Variants in PTPN4 observed in about 807,000 individuals in gnomAD.
PTPN4 encodes tyrosine-protein phosphatase non-receptor type 4.
PTPN4 carries 49 observed loss-of-function variants against 135.5 expected under a neutral mutation model. That is an observed-to-expected ratio of 0.36 (90% CI 0.29 to 0.46). The LOEUF (loss-of-function observed/expected upper bound fraction) is 0.46, where lower values mean the gene tolerates loss of function less well. PTPN4 is among the 20% of genes least tolerant of loss of function. PTPN4 has a pLI of 1.00. For synonymous variants in PTPN4, 333 were observed against 369.9 expected, an observed-to-expected ratio of 0.90 and a Z score of 1.14; for missense variants, 860 against 1,101.0, an observed-to-expected ratio of 0.78 and a Z score of 3.10.
chr2:119,871,898 A>T (rs989155064), intron 3 of PTPN4, among the ~76,000 whole-genome samples: 1 of 152,156 alleles, frequency 6.6e-6, no homozygotes, highest in African/African-American at 2.4e-5. Flanking sequence ...CTATTCACCT[A>T]AATATCTGAA....
chr2:119,862,700 A>G (rs940646396), intron 3 of PTPN4, 57 bp downstream of exon 3: 1 of 1,413,368 alleles, frequency 7.1e-7, no homozygotes, highest in Non-Finnish European at 9.8e-7. Flanking sequence ...AGTTTAGTGT[A>G]GAAAGTCCTT....
intron 12 of PTPN4, among the ~76,000 whole-genome samples, chr2:119,922,482 A>C (rs762890430): frequency 6.6e-6 from 1 of 152,214 alleles, no homozygotes; most frequent in Non-Finnish European, 1.5e-5. Flanking sequence ...ATGATGAATT[A>C]CTTTGATTGC....
At chr2:119,874,225 T>C (rs1441496372) in intron 3 of PTPN4, among the ~76,000 whole-genome samples, 1 of 152,168 alleles carries the variant, frequency 6.6e-6, no homozygotes, top group East Asian at 1.9e-4. Context: ...TACATTGATA[T>C]TGGAGATGTA....
chr2:119,970,786 A>G (rs1679522160), intron 26 of PTPN4, among the ~76,000 whole-genome samples: 1 of 152,198 alleles, frequency 6.6e-6, no homozygotes, highest in South Asian at 2.1e-4. Context: ...ATGTGAACAT[A>G]CGTTTTCATT....
At chr2:119,760,820 C>G (rs1217794099) in intron 1 of PTPN4, among the ~76,000 whole-genome samples, 1 of 117,532 alleles carries the variant, frequency 8.5e-6, no homozygotes, top group Non-Finnish European at 1.6e-5. Context: ...AGTTTTAAGC[C>G]TGTTATGATT....
chr2:119,890,367 T>C (rs1194765327), intron 9 of PTPN4, among the ~76,000 whole-genome samples: 2 of 152,088 alleles, frequency 1.3e-5, no homozygotes, highest in Non-Finnish European at 2.9e-5. Flanking sequence ...GTATGGAGTA[T>C]TTTTTTCCAT....
At chr2:119,951,083 C>T (rs1338194469) in intron 18 of PTPN4, among the ~76,000 whole-genome samples, 3 of 152,170 alleles carry the variant, frequency 2.0e-5, no homozygotes, top group Non-Finnish European at 4.4e-5. Flanking sequence ...GTAGTTTAAA[C>T]GGTGCTTGCC....
chr2:119,971,581 G>C (rs1015082843), intron 26 of PTPN4, among the ~76,000 whole-genome samples: 6 of 152,160 alleles, frequency 3.9e-5, no homozygotes, highest in African/African-American at 1.4e-4. Context: ...AAAAGTTTCT[G>C]ATCAGATCTG....
chr2:119,855,057 A>G (rs1677655808), intron 2 of PTPN4, among the ~76,000 whole-genome samples: 1 of 152,152 alleles, frequency 6.6e-6, no homozygotes, highest in Non-Finnish European at 1.5e-5. Context: ...TTGTATCATA[A>G]TGGAAATATT....
At chr2:119,793,059 G>C (rs538298947) in intron 1 of PTPN4, among the ~76,000 whole-genome samples, 7 of 152,286 alleles carry the variant, frequency 4.6e-5, no homozygotes, top group East Asian at 1.9e-4. Flanking sequence ...CAGGAAACAG[G>C]GTTCAAGAGT....
At position 119,893,459 on chromosome 2, in the gene PTPN4, A is replaced by G. The variant is rs144108731; in HGVS notation, c.676-7259A>G. ...GAAGAGACGTAAATCCTCACGAAAG[A>G]GGGGTAGGCAATTCAATTTATAGAC... On this transcript the variant is annotated intron_variant, in intron 9 of 26. Transcript: ENST00000263708. Among the ~76,000 whole-genome samples the G allele has an allele frequency of 9.5e-3, 1,450 of 152,308 alleles. 10 individuals carry two copies. Among genetic ancestry groups the G allele is most frequent in the Middle Eastern group, 0.017 (5 of 294 alleles).
At chr2:119,974,662 T>C (rs1171742890) in intron 26 of PTPN4, among the ~76,000 whole-genome samples, 1 of 152,226 alleles carries the variant, frequency 6.6e-6, no homozygotes, top group Non-Finnish European at 1.5e-5. Context: ...TTGTACATCT[T>C]GTGCCCCTGA....
At chr2:119,925,916 T>C (rs1268160151) in intron 12 of PTPN4, among the ~76,000 whole-genome samples, 2 of 152,156 alleles carry the variant, frequency 1.3e-5, no homozygotes, top group Admixed American at 6.5e-5. Flanking sequence ...AATATTTTCT[T>C]AGGAAAATTC....
intron 9 of PTPN4, among the ~76,000 whole-genome samples, chr2:119,897,977 G>C (rs1678348806): frequency 6.6e-6 from 1 of 152,234 alleles, no homozygotes; most frequent in African/African-American, 2.4e-5. Context: ...GGTCCGTGAA[G>C]AGACACATGC....
chr2:119,885,916 GT>G, intron 9 of PTPN4, 34 bp downstream of exon 9: 2 of 1,382,160 alleles, frequency 1.4e-6, no homozygotes, highest in Non-Finnish European at 2.0e-6. Context: ...ATGTTGTTGA[GT>G]TAGGCTCCGT....
intron 18 of PTPN4, among the ~76,000 whole-genome samples, chr2:119,949,319 C>T (rs1044622777): frequency 2.0e-5 from 3 of 152,112 alleles, no homozygotes; most frequent in African/African-American, 7.2e-5. Flanking sequence ...ATCACCACAA[C>T]CTTCTAATTG....
intron 9 of PTPN4, among the ~76,000 whole-genome samples, chr2:119,898,022 C>T (rs886113242): frequency 6.6e-6 from 1 of 152,172 alleles, no homozygotes; most frequent in Non-Finnish European, 1.5e-5. Flanking sequence ...ACTTTTATAG[C>T]AGTCTGACAT....
At chr2:119,931,118 G>A (rs1678899285) in intron 13 of PTPN4, among the ~76,000 whole-genome samples, 1 of 151,802 alleles carries the variant, frequency 6.6e-6, no homozygotes, top group South Asian at 2.1e-4. Flanking sequence ...AAATTGTGCT[G>A]GAATGGAAAA....
intron 2 of PTPN4, among the ~76,000 whole-genome samples, chr2:119,835,039 G>C (rs72969160): frequency 0.025 from 3,854 of 152,270 alleles, 165 homozygotes; most frequent in African/African-American, 0.087. Context: ...TGTATTTGGA[G>C]TACTGTATTG....
Sources: gnomAD v4.1 joint callset for allele counts (sites outside exome capture counted in the v4.1 genomes callset) on GRCh38, gnomAD v4.1.1 for gene constraint, MANE v1.5 for transcripts, NCBI Gene and HGNC (gene_info 2026-07-23, HGNC 2026-07-21) for gene names.